EPAS1: variants seen among roughly 807,000 people sequenced by gnomAD.
EPAS1 encodes endothelial PAS domain protein 1.
Under a neutral mutation model 87.9 loss-of-function variants are expected in EPAS1, and 23 were observed. That is an observed-to-expected ratio of 0.26 (90% CI 0.19 to 0.37). The LOEUF is 0.37. EPAS1 is among the 10% of genes least tolerant of loss of function. EPAS1 has a pLI of 1.00. For synonymous variants in EPAS1, 508 were observed against 444.3 expected (o/e 1.14, Z -1.80); for missense variants, 1,138 against 1,120.7 (o/e 1.02, Z -0.22).
intron 1 of EPAS1, among the ~76,000 whole-genome samples, chr2:46,341,177 G>A (rs956280046): frequency 4.6e-5 from 7 of 152,184 alleles, no homozygotes; most frequent in African/African-American, 1.4e-4. Context: ...CCTTTGGAAT[G>A]GCCCTCACAG....
chr2:46,340,672 C>A (rs2104866378), intron 1 of EPAS1, among the ~76,000 whole-genome samples: 1 of 152,310 alleles, frequency 6.6e-6, no homozygotes, highest in African/African-American at 2.4e-5. Context: ...TCTGTCTGAT[C>A]TGGCCAGCTC....
At position 46,297,872 on chromosome 2, in the gene EPAS1, G is replaced by T. The variant is rs749110637; in HGVS notation, c.-40G>T. ...AGCCCCCCACCCGCCAGGGAGCCCAGGTGCTCGGCGTCTGAACGTCTCAAA... is the reference window on the plus strand; with the variant it reads ...AGCCCCCCACCCGCCAGGGAGCCCATGTGCTCGGCGTCTGAACGTCTCAAA... On this transcript the variant is annotated 5_prime_UTR_variant, in exon 1 of 16. The change creates a new upstream start codon in the 5' untranslated region. Coordinates refer to ENST00000263734, the MANE Select transcript of EPAS1 (RefSeq NM_001430.5). The T allele has an allele frequency of 2.7e-5, 44 of 1,604,528 alleles. No homozygotes were observed. In the East Asian group the frequency reaches 7.0e-4, roughly 26 times the overall value.
chr2:46,378,712 T>G lies in EPAS1; in HGVS notation c.1499T>G (p.Val500Gly). The change falls in exon 11 of 16, where the codon GTG becomes GGG. Residue 500 changes from valine to glycine, a missense_variant. By Grantham distance (109) the Val-to-Gly change is moderately radical. Transcript: ENST00000263734. ...TSLDNDLKIE[V>G]IEKLFAMDTE... ...TTGGATAACGACCTGAAGATTGAAG[T>G]GATTGAGAAGCTCTTCGCCATGGAC... is the stretch of plus-strand genomic sequence containing the variant. The G allele has an allele frequency of 1.2e-6, 2 of 1,614,122 alleles. No homozygotes were observed. The highest frequency in any genetic ancestry group is 1.7e-6 in the Non-Finnish European group (2 of 1,180,008).
intron 3 of EPAS1, 135 bp downstream of exon 3, chr2:46,356,437 C>T (rs1558600376): frequency 8.7e-7 from 1 of 1,153,450 alleles, no homozygotes; most frequent in African/African-American, 1.5e-5. Flanking sequence ...GACCTCAGGC[C>T]ACACGCCTCA....
Position 46,375,901 on chromosome 2 carries a change from C to G in EPAS1, c.1034+64C>G. 1 of 1,608,970 alleles carries G rather than the reference C, an allele frequency of 6.2e-7. No homozygotes were observed. The highest frequency in any genetic ancestry group is 8.5e-7 in the Non-Finnish European group (1 of 1,176,444). On this transcript the variant is annotated intron_variant, in intron 8 of 15. Coordinates refer to ENST00000263734, the MANE Select transcript of EPAS1 (RefSeq NM_001430.5). The surrounding 1 kb of genome is among the most constrained non-coding windows in gnomAD (Gnocchi z 4.1). ...TGTGGGGGTGCCCAAGCTTCCCAGA[C>G]TCAGGATGACAGGCCTAGGAGATGC...
chr2:46,319,828 T>C (rs1007135078), intron 1 of EPAS1, among the ~76,000 whole-genome samples: 3 of 152,228 alleles, frequency 2.0e-5, no homozygotes, highest in African/African-American at 7.2e-5. Flanking sequence ...CTTGTAAAGT[T>C]TACTGTTTAG....
chr2:46,297,610 A>G lies in EPAS1; in HGVS notation c.-302A>G, dbSNP rs918880455. On this transcript the variant is annotated 5_prime_UTR_variant, in exon 1 of 16. Transcript: ENST00000263734. The stretch of plus-strand genomic sequence containing the variant: ...GAAAAGTGACTCCTTTTCCAGGGAA[A>G]AAGGAACTTGGGTTCCCTTCTCTCC... 1 of 441,944 alleles carries G rather than the reference A, an allele frequency of 2.3e-6. No individual in the cohort carries two copies. The allele number at this position is 441,944 out of a possible 1,614,324, so 27.4% of individuals were successfully genotyped here.
chr2:46,356,880 A>G, intron 4 of EPAS1, 72 bp downstream of exon 4: 1 of 1,086,122 alleles, frequency 9.2e-7, no homozygotes, highest in South Asian at 1.3e-5. Context: ...GTCTACGGGT[A>G]TAAGGGAGAT....
chr2:46,380,667 G>C lies in EPAS1; in HGVS notation c.1995G>C (p.Ala665=), dbSNP rs755779444. ...GDQRTEFLGA[A]PLGPPVSPPH... is the part of the protein sequence containing the mutation. Reference sequence around the variant, plus strand: ...AGCGCACAGAGTTCTTGGGAGCAGCGCCGTTGGGGCCCCCTGTCTCTCCAC... The same window carrying C: ...AGCGCACAGAGTTCTTGGGAGCAGCCCCGTTGGGGCCCCCTGTCTCTCCAC... The change falls in exon 12 of 16, where the codon GCG becomes GCC. Residue 665 remains alanine (A), a synonymous_variant. Transcript: ENST00000263734. The surrounding 1 kb of genome is among the most constrained non-coding windows in gnomAD (Gnocchi z 4.4). 1.2e-6 allele frequency: 2 copies of C among 1,613,922 alleles called. No homozygotes were observed. Among genetic ancestry groups the C allele is most frequent in the East Asian group, 2.2e-5 (1 of 44,876 alleles).
At chr2:46,315,530 AG>A (rs1471822034) in intron 1 of EPAS1, among the ~76,000 whole-genome samples, 3 of 152,210 alleles carry the variant, frequency 2.0e-5, no homozygotes, top group African/African-American at 7.2e-5. Context: ...TGCCCTGGGA[AG>A]GCCTTCTGCT....
intron 1 of EPAS1, among the ~76,000 whole-genome samples, chr2:46,340,859 A>AC (rs1683898071): frequency 6.6e-6 from 1 of 152,062 alleles, no homozygotes; most frequent in African/African-American, 2.4e-5. Context: ...AGTAGCTGGG[A>AC]CCACCGGTGT....
chr2:46,354,923 A>G (rs1397434431), intron 2 of EPAS1, among the ~76,000 whole-genome samples: 2 of 152,144 alleles, frequency 1.3e-5, no homozygotes, highest in African/African-American at 4.8e-5. Flanking sequence ...TGTTCACACA[A>G]TCCCGTCTGG....
chr2:46,366,843 G>A (rs187878359), intron 6 of EPAS1, among the ~76,000 whole-genome samples: 18 of 152,352 alleles, frequency 1.2e-4, no homozygotes, highest in East Asian at 1.2e-3. Flanking sequence ...CTTGTGTGCC[G>A]TAGGAGCGAC....
At chr2:46,326,662 C>G (rs989855277) in intron 1 of EPAS1, among the ~76,000 whole-genome samples, 4 of 152,200 alleles carry the variant, frequency 2.6e-5, no homozygotes, top group African/African-American at 9.7e-5. Flanking sequence ...TAAGCACCCA[C>G]TGTAGGAAGG....
Position 46,380,415 on chromosome 2 carries a change from T to C in EPAS1, c.1743T>C (p.Ser581=). 1.2e-6 allele frequency: 2 copies of C among 1,614,078 alleles called. No individual in the cohort carries two copies. Among genetic ancestry groups the C allele is most frequent in the Non-Finnish European group, 1.7e-6 (2 of 1,180,000 alleles). The change falls in exon 12 of 16, where the codon AGT becomes AGC. Residue 581 remains serine, a synonymous_variant. Coordinates refer to ENST00000263734, the MANE Select transcript of EPAS1 (RefSeq NM_001430.5). The surrounding 1 kb of genome is among the most constrained non-coding windows in gnomAD (Gnocchi z 4.4). ...CACTGGCCCCTGTAGCCCCGCACAGTCCCTTCCTCCTGGACAAGTTTCAGC... is the reference window on the plus strand; with the variant it reads ...CACTGGCCCCTGTAGCCCCGCACAGCCCCTTCCTCCTGGACAAGTTTCAGC... ...FQPLAPVAPH[S]PFLLDKFQQQ...
intron 1 of EPAS1, among the ~76,000 whole-genome samples, chr2:46,307,653 G>A (rs1157422246): frequency 1.3e-5 from 2 of 152,112 alleles, no homozygotes; most frequent in African/African-American, 4.8e-5. Flanking sequence ...CTGTGTGGCT[G>A]GGCACTGTGT....
At chr2:46,336,678 G>C (rs888713944) in intron 1 of EPAS1, among the ~76,000 whole-genome samples, 1 of 152,216 alleles carries the variant, frequency 6.6e-6, no homozygotes, top group Non-Finnish European at 1.5e-5. Flanking sequence ...AACCCTGCCA[G>C]ATGGCATCTT....
chr2:46,362,719 C>T (rs1052565366), intron 6 of EPAS1, among the ~76,000 whole-genome samples: 4 of 152,154 alleles, frequency 2.6e-5, no homozygotes, highest in Admixed American at 2.0e-4. Flanking sequence ...GTTGGTCGCC[C>T]CTTCTTAGAG....
chr2:46,315,372 C>T (rs1340609282), intron 1 of EPAS1, among the ~76,000 whole-genome samples: 1 of 152,138 alleles, frequency 6.6e-6, no homozygotes, highest in Admixed American at 6.5e-5. Context: ...AGGTGAGTCA[C>T]AGTGCATAAG....
Sources: allele counts gnomAD v4.1 joint callset (sites outside exome capture counted in the v4.1 genomes callset), GRCh38; gene constraint gnomAD v4.1.1; non-coding constraint Gnocchi (gnomAD v3.1); transcripts MANE v1.5; gene names NCBI Gene and HGNC (gene_info 2026-07-23, HGNC 2026-07-21).